Variants in ABCD3 observed in about 807,000 individuals in gnomAD.
ABCD3 encodes the protein ATP-binding cassette sub-family D member 3.
Under a neutral mutation model 105.5 loss-of-function variants are expected in ABCD3, and 41 were observed. The ratio of observed to expected loss-of-function variants is 0.39; its 90% confidence interval spans 0.30 to 0.50. The LOEUF (loss-of-function observed/expected upper bound fraction) is 0.50. Ranked by LOEUF, ABCD3 falls within the 20% of genes least tolerant of loss-of-function variation. The pLI, the probability that ABCD3 is intolerant of heterozygous loss-of-function variation, is 0.84. For missense variants in ABCD3, 622 were observed against 806.3 expected (o/e 0.77, Z 2.77); for synonymous variants, 258 against 269.0 (o/e 0.96, Z 0.40).
At chr1:94,453,333 T>G (rs1647356333) in intron 1 of ABCD3, among the ~76,000 whole-genome samples, 2 of 151,112 alleles carry the variant, frequency 1.3e-5, no homozygotes, top group South Asian at 4.2e-4. Flanking sequence ...CTTTTTTTTT[T>G]TTTTTGAGAT....
chr1:94,450,499 ACAAT>A (rs1660538641), intron 1 of ABCD3, among the ~76,000 whole-genome samples: 1 of 152,266 alleles, frequency 6.6e-6, no homozygotes, highest in African/African-American at 2.4e-5. Flanking sequence ...TAAACCACAA[ACAAT>A]AGCATGAGCG....
intron 21 of ABCD3, among the ~76,000 whole-genome samples, chr1:94,509,028 T>A (rs1650512154): frequency 6.6e-6 from 1 of 152,154 alleles, no homozygotes; most frequent in Admixed American, 6.5e-5. Context: ...CTATGTTGAA[T>A]AGGAGTGGTG....
the ABCD3 span, among the ~76,000 whole-genome samples, chr1:94,395,764 A>T: frequency 1.1e-4 from 16 of 152,214 alleles, 1 homozygote; most frequent in Admixed American, 8.5e-4. Flanking sequence ...GTGTGTGGTT[A>T]CCTGTAGTAG....
the ABCD3 span, among the ~76,000 whole-genome samples, chr1:94,388,812 G>T: frequency 0.013 from 2,029 of 152,230 alleles, 53 homozygotes; most frequent in African/African-American, 0.047. Context: ...AGAGTCTGGA[G>T]GAGTAAAATA....
At chr1:94,468,362 A>G (rs866499151) in intron 4 of ABCD3, among the ~76,000 whole-genome samples, 1 of 152,208 alleles carries the variant, frequency 6.6e-6, no homozygotes, top group Non-Finnish European at 1.5e-5. Context: ...AATTAATGAG[A>G]TAATTTGGAG....
chr1:94,466,281 T>C (rs1445265275), intron 3 of ABCD3, among the ~76,000 whole-genome samples: 2 of 152,212 alleles, frequency 1.3e-5, no homozygotes, highest in African/African-American at 4.8e-5. Flanking sequence ...TTATAAATGT[T>C]CTTTCTAAGT....
At chr1:94,432,863 T>TG (rs543187130) in intron 1 of ABCD3, among the ~76,000 whole-genome samples, 1 of 151,500 alleles carries the variant, frequency 6.6e-6, no homozygotes, top group South Asian at 2.1e-4. Flanking sequence ...TTTTTTTTCT[T>TG]TTTTTTTTTG....
At chr1:94,424,654 C>T (rs1388177956) in intron 1 of ABCD3, among the ~76,000 whole-genome samples, 1 of 152,072 alleles carries the variant, frequency 6.6e-6, no homozygotes, top group Non-Finnish European at 1.5e-5. Flanking sequence ...TAGGCTCAAG[C>T]GATTCTCCCA....
chr1:94,391,809 T>C, the ABCD3 span, among the ~76,000 whole-genome samples: 3 of 152,164 alleles, frequency 2.0e-5, no homozygotes. Flanking sequence ...AAACATCTGA[T>C]TGGTTGCAGA....
intron 1 of ABCD3, among the ~76,000 whole-genome samples, chr1:94,439,255 G>T (rs1660045619): frequency 6.6e-6 from 1 of 152,078 alleles, no homozygotes; most frequent in Admixed American, 6.5e-5. Flanking sequence ...GACACTGAGG[G>T]TTGTTAACAA....
the ABCD3 span, among the ~76,000 whole-genome samples, chr1:94,410,872 T>C: frequency 1.2e-4 from 18 of 152,204 alleles, no homozygotes; most frequent in African/African-American, 4.3e-4. Flanking sequence ...ATATTTAAAT[T>C]TCATTTTCAA....
At chr1:94,483,475 A>T (rs183522384) in intron 10 of ABCD3, among the ~76,000 whole-genome samples, 2 of 152,294 alleles carry the variant, frequency 1.3e-5, no homozygotes, top group African/African-American at 4.8e-5. Context: ...AATTGCATAG[A>T]TTTATTAAAA....
rs370948110 is a variant in ABCD3, at chr1:94,453,017, G to A, written c.111-5590G>A. ...CCTTCCAAAGCACTGGGATCCACCC[G>A]TCTGGCCTTCCAAAGTGCTCGGCCT... On this transcript the variant is annotated intron_variant, in intron 1 of 22. Transcript: ENST00000370214. Among the ~76,000 whole-genome samples the A allele has an allele frequency of 1.6e-4, 24 of 152,224 alleles. No homozygotes were observed. The South Asian group carries it at 1.7e-3, about 11-fold the overall frequency.
At chr1:94,508,558 A>G (rs1226876876) in intron 21 of ABCD3, among the ~76,000 whole-genome samples, 1 of 150,732 alleles carries the variant, frequency 6.6e-6, no homozygotes, top group Non-Finnish European at 1.5e-5. Flanking sequence ...TGGGGATGGC[A>G]TTGAATCTGT....
In ABCD3 at chr1:94,475,228, AG is replaced by A; in HGVS notation, c.493del (p.Glu165SerfsTer18). The A allele has an allele frequency of 6.3e-7, 1 of 1,585,232 alleles. No homozygotes were observed. Among genetic ancestry groups the A allele is most frequent in the Non-Finnish European group, 8.6e-7 (1 of 1,160,308 alleles). ...GTAAGGCTCACTAAATACCTCTATG[AG>A]GAGTATCTTCAGTAAGTGATAACCT... ...FRVRLTKYLY[E>X]EYLQAFTYYK... On this transcript the variant is annotated frameshift_variant, in exon 6 of 23. Coordinates refer to ENST00000370214, the MANE Select transcript of ABCD3 (RefSeq NM_002858.4). LOFTEE classifies it high-confidence loss of function.
intron 7 of ABCD3, among the ~76,000 whole-genome samples, chr1:94,476,915 ATGTGTGTGTG>A (rs556090316): frequency 2.2e-4 from 34 of 151,346 alleles, no homozygotes; most frequent in Admixed American, 1.9e-3. Flanking sequence ...CTGTGTGTGT[ATGTGTGTGTG>A]TATGCATGCA....
chr1:94,506,493 T>A, intron 20 of ABCD3, 45 bp from the exon 21 acceptor site: 2 of 1,152,636 alleles, frequency 1.7e-6, no homozygotes, highest in Non-Finnish European at 2.6e-6. Flanking sequence ...TTACTAATTT[T>A]AGGTCTGCCT....
chr1:94,437,674 C>T (rs1476284179), intron 1 of ABCD3, among the ~76,000 whole-genome samples: 1 of 152,188 alleles, frequency 6.6e-6, no homozygotes, highest in Non-Finnish European at 1.5e-5. Flanking sequence ...TTTTGACTTT[C>T]AAAGCCTATT....
upstream of ABCD3, among the ~76,000 whole-genome samples, chr1:94,415,451 A>T (rs570786948): frequency 3.3e-5 from 5 of 152,330 alleles, no homozygotes; most frequent in African/African-American, 1.2e-4. Flanking sequence ...ATGAAGTGTG[A>T]ACTTGCAAAA....
Sources: allele counts gnomAD v4.1 joint callset (sites outside exome capture counted in the v4.1 genomes callset), GRCh38; gene constraint gnomAD v4.1.1; transcripts MANE v1.5; gene names NCBI Gene and HGNC (gene_info 2026-07-23, HGNC 2026-07-21).